TTC28: variants seen among roughly 807,000 people sequenced by gnomAD.
TTC28 encodes the protein tetratricopeptide repeat domain 28.
A neutral mutation model predicts 198.0 loss-of-function variants in TTC28; 61 were observed. The ratio of observed to expected loss-of-function variants is 0.31; its 90% CI spans 0.25 to 0.38. The LOEUF (loss-of-function observed/expected upper bound fraction) is 0.38, where lower values mean the gene tolerates loss of function less well. Ranked by LOEUF, TTC28 falls within the 10% of genes least tolerant of loss-of-function variation. The probability of loss-of-function intolerance (pLI) is 1.00; values close to 1 mark genes in which losing one functional copy is unlikely to be tolerated. For missense variants in TTC28, 2,678 were observed against 3,164.0 expected (o/e 0.85, Z 3.69); for synonymous variants, 1,171 against 1,297.8 (o/e 0.90, Z 2.10).
At chr22:28,618,273 T>A (rs1474365205) in intron 2 of TTC28, among the ~76,000 whole-genome samples, 1 of 151,944 alleles carries the variant, frequency 6.6e-6, no homozygotes, top group Non-Finnish European at 1.5e-5. Flanking sequence ...AAAAACTCCA[T>A]CTCAATCAAT....
At chr22:28,653,510 A>G (rs1313998851) in intron 1 of TTC28, among the ~76,000 whole-genome samples, 1 of 151,878 alleles carries the variant, frequency 6.6e-6, no homozygotes, top group Non-Finnish European at 1.5e-5. Flanking sequence ...TCTTAAAAAA[A>G]AAAAAAACCA....
In TTC28 at chr22:28,372,563, G is replaced by A. The variant is rs116216156; in HGVS notation, c.382-65920C>T. On this transcript the variant is annotated intron_variant, in intron 2 of 22. Coordinates refer to ENST00000397906, the MANE Select transcript of TTC28 (RefSeq NM_001145418.2). ...TTTTTTTTTTAATTAGAAGGAAAGA[G>A]GTAGAAGACACTGATGTCTATTTGT... Among the ~76,000 whole-genome samples, 1,172 of 150,268 alleles carry A rather than the reference G, an allele frequency of 7.8e-3. 21 individuals carry two copies. Among genetic ancestry groups the A allele is most frequent in the African/African-American group, 0.027 (1,079 of 40,632 alleles).
rs1227265004 is a variant in TTC28 at position 28,296,339 on chromosome 22, T to A, written c.803-11A>T. 1 of 1,498,654 alleles carries A rather than the reference T, an allele frequency of 6.7e-7. No homozygotes were observed. Among genetic ancestry groups the A allele is most frequent in the Admixed American group, 2.6e-5 (1 of 38,720 alleles). The allele number at this position is 1,498,654 out of a possible 1,614,324, so 92.8% of individuals were successfully genotyped here. A position where few individuals can be genotyped will look rare whatever the true frequency, so the allele number is the denominator to read the frequency against. On this transcript the variant is annotated splice_polypyrimidine_tract_variant and intron_variant, in intron 4 of 22. Coordinates refer to ENST00000397906, the MANE Select transcript of TTC28 (RefSeq NM_001145418.2). The stretch of plus-strand genomic sequence containing the variant: ...CTCCTGTCTGGTCACCTGGATTGAA[T>A]TGAGAAAAAAAAAAAGAAAAAATTT...
chr22:28,116,552 C>T (rs532879652), intron 6 of TTC28, among the ~76,000 whole-genome samples: 1 of 152,282 alleles, frequency 6.6e-6, no homozygotes, highest in East Asian at 1.9e-4. Context: ...CCATTAGTCA[C>T]TGTTTGGAAA....
intron 2 of TTC28, among the ~76,000 whole-genome samples, chr22:28,447,449 C>A (rs1321239284): frequency 6.6e-6 from 1 of 152,212 alleles, no homozygotes; most frequent in Non-Finnish European, 1.5e-5. Flanking sequence ...ACAGGCCAAA[C>A]AAAACCTGCC....
intron 2 of TTC28, among the ~76,000 whole-genome samples, chr22:28,466,486 C>G (rs58427200): frequency 0.086 from 13,057 of 152,098 alleles, 968 homozygotes; most frequent in African/African-American, 0.2. Flanking sequence ...ATATGGTATG[C>G]CAAACCAAAG....
chr22:28,553,788 G>T (rs769039489), intron 2 of TTC28, among the ~76,000 whole-genome samples: 46 of 151,938 alleles, frequency 3.0e-4, no homozygotes, highest in Non-Finnish European at 6.3e-4. Context: ...CACCCCGTCC[G>T]GGAGGTGAGG....
chr22:28,273,852 A>AAGATACT (rs1932245034), intron 5 of TTC28, among the ~76,000 whole-genome samples: 1 of 152,192 alleles, frequency 6.6e-6, no homozygotes, highest in African/African-American at 2.4e-5. Context: ...TAGAGGGAAA[A>AAGATACT]AGATACTATC....
intron 2 of TTC28, among the ~76,000 whole-genome samples, chr22:28,533,230 G>A (rs1156765826): frequency 1.8e-4 from 27 of 152,138 alleles, no homozygotes; most frequent in Admixed American, 1.8e-3. Context: ...AAAAATCAAT[G>A]TGCAAAAATC....
At chr22:28,635,034 C>A (rs1189395451) in intron 1 of TTC28, among the ~76,000 whole-genome samples, 1 of 152,062 alleles carries the variant, frequency 6.6e-6, no homozygotes, top group Admixed American at 6.6e-5. Flanking sequence ...AATAGTACTC[C>A]GTAAGGGATG....
intron 6 of TTC28, among the ~76,000 whole-genome samples, chr22:28,162,159 G>T (rs1050781155): frequency 6.6e-6 from 1 of 152,020 alleles, no homozygotes; most frequent in Non-Finnish European, 1.5e-5. Flanking sequence ...CTAAAAAATT[G>T]CCAGTTACCA....
At chr22:28,223,790 T>C (rs557326985) in intron 5 of TTC28, among the ~76,000 whole-genome samples, 11 of 152,280 alleles carry the variant, frequency 7.2e-5, no homozygotes, top group Non-Finnish European at 1.2e-4. Context: ...TAAATTAATA[T>C]AGTAAAGTTC....
chr22:28,063,765 CAT>C (rs751074998), intron 12 of TTC28, among the ~76,000 whole-genome samples: 22 of 152,138 alleles, frequency 1.4e-4, no homozygotes, highest in Non-Finnish European at 2.9e-5. Flanking sequence ...TTTTCTACCA[CAT>C]GTCTCTGTAG....
intron 6 of TTC28, among the ~76,000 whole-genome samples, chr22:28,151,070 T>C (rs1010830274): frequency 1.3e-5 from 2 of 152,200 alleles, no homozygotes; most frequent in South Asian, 2.1e-4. Flanking sequence ...ATAAACCTAT[T>C]CAGCCTCATA....
chr22:28,239,727 A>G (rs1450408982), intron 5 of TTC28, among the ~76,000 whole-genome samples: 2 of 152,270 alleles, frequency 1.3e-5, no homozygotes, highest in Non-Finnish European at 1.5e-5. Context: ...AACATTGATT[A>G]GAAAGGAATG....
intron 2 of TTC28, among the ~76,000 whole-genome samples, chr22:28,610,394 C>A (rs1185854752): frequency 6.6e-6 from 1 of 152,182 alleles, no homozygotes; most frequent in African/African-American, 2.4e-5. Flanking sequence ...GAGGAAGGAA[C>A]AGGCAGCAAT....
At chr22:28,551,896 A>G (rs1169512327) in intron 2 of TTC28, among the ~76,000 whole-genome samples, 1 of 152,216 alleles carries the variant, frequency 6.6e-6, no homozygotes, top group African/African-American at 2.4e-5. Flanking sequence ...GACAAGAGAA[A>G]AAAATAAAGC....
At chr22:28,201,859 G>T (rs990729534) in intron 5 of TTC28, among the ~76,000 whole-genome samples, 2 of 151,968 alleles carry the variant, frequency 1.3e-5, no homozygotes, top group African/African-American at 4.8e-5. Context: ...CTGAACAGGG[G>T]TGATGGCCCT....
At chr22:28,447,018 T>C (rs921886705) in intron 2 of TTC28, among the ~76,000 whole-genome samples, 1 of 152,102 alleles carries the variant, frequency 6.6e-6, no homozygotes, top group African/African-American at 2.4e-5. Context: ...AAGTTCAGAG[T>C]ACCTAAGTAA....
Sources: allele counts gnomAD v4.1 joint callset (sites outside exome capture counted in the v4.1 genomes callset), GRCh38; gene constraint gnomAD v4.1.1; transcripts MANE v1.5; gene names NCBI Gene and HGNC (gene_info 2026-07-23, HGNC 2026-07-21).